The following KPNA6 variants were observed in gnomAD, a reference collection of about 807,000 sequenced individuals.
The protein encoded by KPNA6 is importin subunit alpha-7.
A neutral mutation model predicts 72.0 loss-of-function variants in KPNA6; 9 were observed. The ratio of observed to expected loss-of-function variants is 0.13; its 90% confidence interval spans 0.08 to 0.22. The LOEUF (loss-of-function observed/expected upper bound fraction) is 0.22, where lower values mean the gene tolerates loss of function less well. Among genes scored for constraint, KPNA6 ranks in the 10% least tolerant of loss-of-function variants. KPNA6 has a pLI of 1.00. For synonymous variants in KPNA6, 219 were observed against 242.1 expected (o/e 0.90, Z 0.89); for missense variants, 374 against 655.7 (o/e 0.57, Z 4.69).
chr1:32,117,781 T>G (rs1276545937), intron 1 of KPNA6, among the ~76,000 whole-genome samples: 6 of 152,086 alleles, frequency 3.9e-5, no homozygotes, highest in African/African-American at 1.4e-4. Context: ...CTTGGGCAAA[T>G]TCATAGCTAA....
chr1:32,117,496 A>G (rs545015397), intron 1 of KPNA6, among the ~76,000 whole-genome samples: 10 of 151,824 alleles, frequency 6.6e-5, no homozygotes, highest in African/African-American at 2.4e-4. Flanking sequence ...TTTTTTAAAA[A>G]AAACACACAT....
At chr1:32,170,118 T>C in intron 13 of KPNA6, 58 bp downstream of exon 13, 3 of 1,461,176 alleles carry the variant, frequency 2.1e-6, no homozygotes, top group Non-Finnish European at 2.8e-6. Flanking sequence ...TCCAACGTGG[T>C]ATACATATGT....
At chr1:32,112,229 A>G (rs1322787568) in intron 1 of KPNA6, among the ~76,000 whole-genome samples, 1 of 152,200 alleles carries the variant, frequency 6.6e-6, no homozygotes, top group Non-Finnish European at 1.5e-5. Context: ...GTGAACCACA[A>G]ACAAAGACAG....
intron 11 of KPNA6, among the ~76,000 whole-genome samples, 161 bp from the exon 12 acceptor site, chr1:32,167,008 C>T (rs1490195021): frequency 1.3e-5 from 2 of 152,122 alleles, no homozygotes; most frequent in African/African-American, 4.8e-5. Flanking sequence ...GTAACCAAAA[C>T]TGGGTTCTTC....
intron 7 of KPNA6, among the ~76,000 whole-genome samples, chr1:32,161,157 A>G (rs1052677082): frequency 3.9e-5 from 6 of 152,094 alleles, no homozygotes; most frequent in Admixed American, 3.9e-4. Flanking sequence ...GTGAAAAAAA[A>G]AAAAGATTGT....
intron 1 of KPNA6, among the ~76,000 whole-genome samples, chr1:32,153,164 A>C (rs956568162): frequency 2.6e-5 from 4 of 152,162 alleles, no homozygotes; most frequent in African/African-American, 9.7e-5. Context: ...AAAAGACTAA[A>C]ATAAAAATAG....
intron 1 of KPNA6, among the ~76,000 whole-genome samples, chr1:32,121,461 C>T (rs547917627): frequency 6.6e-6 from 1 of 152,132 alleles, no homozygotes; most frequent in Non-Finnish European, 1.5e-5. Flanking sequence ...AAGTCTGGAG[C>T]TCAAGAGTGA....
In KPNA6 at chr1:32,156,497, T is replaced by C. The variant is rs376881100; in HGVS notation, c.139-356T>C. Among the ~76,000 whole-genome samples the C allele has an allele frequency of 4.9e-4, 75 of 152,294 alleles. 2 individuals carry two copies. In the East Asian group the frequency reaches 0.011, roughly 22 times the overall value. On this transcript the variant is annotated intron_variant, in intron 2 of 13. Transcript: ENST00000373625. The stretch of plus-strand genomic sequence containing the variant: ...CCAAGTTGGTTATTAAGTGACTAAC[T>C]GGCAGCAGCGTATACAGCATGGAAT...
At chr1:32,131,036 A>G (rs1394596953) in intron 1 of KPNA6, among the ~76,000 whole-genome samples, 1 of 151,682 alleles carries the variant, frequency 6.6e-6, no homozygotes, top group Non-Finnish European at 1.5e-5. Context: ...GTTCACACCC[A>G]TAATCCCAGC....
chr1:32,145,550 C>G (rs1028880935), intron 1 of KPNA6, among the ~76,000 whole-genome samples: 1 of 151,530 alleles, frequency 6.6e-6, no homozygotes, highest in Admixed American at 6.6e-5. Flanking sequence ...GCCTCAGACT[C>G]CTGACCTCAA....
chr1:32,155,982 C>G (rs1642135744), intron 2 of KPNA6, among the ~76,000 whole-genome samples: 1 of 136,540 alleles, frequency 7.3e-6, no homozygotes. Context: ...GTCTTGAACT[C>G]CTGAGCTGAA....
At position 32,167,073 on chromosome 1, in the gene KPNA6, A is replaced by C. The variant is rs1304812456; in HGVS notation, c.1117-96A>C. ...ACAAAAGAAAACTCCCAGAATGGGGAAGATGTCTAAGTCTCAGCTGATTTG... is the reference window on the plus strand; with the variant it reads ...ACAAAAGAAAACTCCCAGAATGGGGCAGATGTCTAAGTCTCAGCTGATTTG... On this transcript the variant is annotated intron_variant, in intron 11 of 13. Transcript: ENST00000373625. The C allele has an allele frequency of 4.8e-6, 7 of 1,446,124 alleles. No homozygotes were observed. The East Asian group carries it at 1.6e-4, about 33-fold the overall frequency. 89.6% of individuals were successfully genotyped at this position (1,446,124 alleles called of 1,614,324 possible). A position where few individuals can be genotyped will look rare whatever the true frequency, so the allele number is the denominator to read the frequency against.
At position 32,147,650 on chromosome 1, in the gene KPNA6, CTTTTTTTTTTT is replaced by C. The variant is rs915571659; in HGVS notation, c.5-6921_5-6911del. ...CCTTCTGACTTTCGTGATTTCTTTT[CTTTTTTTTTTT>C]TTTTTTTTTTTTTTTTGAGACAGGG... On this transcript the variant is annotated intron_variant, in intron 1 of 13. Coordinates refer to ENST00000373625, the MANE Select transcript of KPNA6 (RefSeq NM_012316.5). Among the ~76,000 whole-genome samples, 169 of 81,870 alleles carry C rather than the reference CTTTTTTTTTTT, an allele frequency of 2.1e-3. 1 individual carries two copies. The highest frequency in any genetic ancestry group is 0.013 in the Admixed American group (82 of 6,504). The allele number at this position is 81,870 out of a possible 152,430, so 53.7% of individuals were successfully genotyped here.
chr1:32,126,810 T>C (rs1641544102), intron 1 of KPNA6, among the ~76,000 whole-genome samples: 1 of 152,148 alleles, frequency 6.6e-6, no homozygotes, highest in African/African-American at 2.4e-5. Flanking sequence ...CATTGGTTCC[T>C]TAAGTGTAGC....
chr1:32,157,350 G>A lies in KPNA6; in HGVS notation c.236G>A (p.Ser79Asn), dbSNP rs1642162879. ...DSYVSSTTGE[S>N]VITREMVEML... is the part of the protein sequence containing the mutation. ...TAAACTTGTTTTATGTTCTAGGAGA[G>A]TGTGATCACAAGAGAGATGGTGGAG... Residue 79 changes from serine to asparagine, a missense_variant, in exon 4 of 14, where the codon AGT becomes AAT. By Grantham distance (46) the Ser-to-Asn change is conservative. Coordinates refer to ENST00000373625, the MANE Select transcript of KPNA6 (RefSeq NM_012316.5). The A allele has an allele frequency of 1.2e-6, 2 of 1,612,394 alleles. No individual in the cohort carries two copies. Among genetic ancestry groups the A allele is most frequent in the South Asian group, 1.1e-5 (1 of 91,056 alleles).
At chr1:32,125,382 C>T (rs1381790532) in intron 1 of KPNA6, among the ~76,000 whole-genome samples, 1 of 152,204 alleles carries the variant, frequency 6.6e-6, no homozygotes, top group Non-Finnish European at 1.5e-5. Flanking sequence ...GCCCAAGTCA[C>T]ACAATCCACT....
At chr1:32,159,194 C>G (rs1005455868) in intron 5 of KPNA6, among the ~76,000 whole-genome samples, 1 of 152,196 alleles carries the variant, frequency 6.6e-6, no homozygotes, top group East Asian at 1.9e-4. Flanking sequence ...CTGCATCTTC[C>G]CACTCTCTAA....
At chr1:32,125,675 C>T (rs1382757283) in intron 1 of KPNA6, among the ~76,000 whole-genome samples, 1 of 152,126 alleles carries the variant, frequency 6.6e-6, no homozygotes, top group East Asian at 1.9e-4. Context: ...CGCCGACAAA[C>T]CTATTTTGCC....
intron 1 of KPNA6, among the ~76,000 whole-genome samples, chr1:32,135,216 C>T (rs192936334): frequency 1.3e-5 from 2 of 152,238 alleles, no homozygotes; most frequent in African/African-American, 2.4e-5. Flanking sequence ...TACAGGCATG[C>T]ACCACCAGGC....
Sources: allele counts gnomAD v4.1 joint callset (sites outside exome capture counted in the v4.1 genomes callset), GRCh38; gene constraint gnomAD v4.1.1; transcripts MANE v1.5; gene names NCBI Gene and HGNC (gene_info 2026-07-23, HGNC 2026-07-21).